USP13: variants seen among roughly 807,000 people sequenced by gnomAD.
USP13 encodes the protein ubiquitin carboxyl-terminal hydrolase 13.
A neutral mutation model predicts 107.8 loss-of-function variants in USP13; 68 were observed. That is an observed-to-expected ratio of 0.63 (90% confidence interval 0.52 to 0.77). The LOEUF is 0.77. USP13 is among the 30% of genes least tolerant of loss of function. The pLI is 0.00. For synonymous variants in USP13, 377 were observed against 389.5 expected (o/e 0.97, Z 0.38); for missense variants, 945 against 1,093.3 (o/e 0.86, Z 1.91).
chr3:179,681,761 C>T (rs969079242), intron 1 of USP13, 117 bp from the exon 2 acceptor site: 1 of 1,330,630 alleles, frequency 7.5e-7, no homozygotes, highest in Non-Finnish European at 1.0e-6. Context: ...GCAGGAGCCT[C>T]GGTGGCCCTT....
chr3:179,730,195 A>G lies in USP13; in HGVS notation c.1095A>G (p.Val365=), dbSNP rs1053291512. 4.3e-6 allele frequency: 7 copies of G among 1,613,192 alleles called. No individual in the cohort carries two copies. In the African/African-American group the frequency reaches 5.3e-5, roughly 12 times the overall value. The change falls in exon 9 of 21, where the codon GTA becomes GTG. Residue 365 remains valine, a synonymous_variant. Coordinates refer to ENST00000263966, the MANE Select transcript of USP13 (RefSeq NM_003940.3). ...ATTGCCTCTCATTTTCTAGGTATGT[A>G]GGAAACCTTCCCAGAATATTTGACT... The part of the protein sequence containing the change: ...FSIPEFQRAY[V]GNLPRIFDYS...
At chr3:179,654,933 C>CTTT (rs58952724) in intron 1 of USP13, among the ~76,000 whole-genome samples, 33 of 151,564 alleles carry the variant, frequency 2.2e-4, no homozygotes, top group African/African-American at 7.5e-4. Flanking sequence ...TGATTGTTTA[C>CTTT]TTTTTTTTTC....
chr3:179,689,428 G>A (rs1712022370), intron 2 of USP13, among the ~76,000 whole-genome samples: 1 of 152,044 alleles, frequency 6.6e-6, no homozygotes, highest in South Asian at 2.1e-4. Context: ...GGAGGCCGAG[G>A]TGGGCAGATC....
intron 2 of USP13, among the ~76,000 whole-genome samples, chr3:179,689,495 A>G (rs1296446665): frequency 6.6e-6 from 1 of 151,950 alleles, no homozygotes; most frequent in Non-Finnish European, 1.5e-5. Context: ...CGTCTCTACT[A>G]AAAATATTAA....
intron 8 of USP13, among the ~76,000 whole-genome samples, chr3:179,728,982 A>AAGAGTG (rs1553794973): frequency 6.7e-6 from 1 of 150,002 alleles, no homozygotes; most frequent in African/African-American, 2.5e-5. Context: ...GACGGAGAGG[A>AAGAGTG]AGAGGGAGAG....
At chr3:179,693,595 A>G (rs1712183411) in intron 3 of USP13, among the ~76,000 whole-genome samples, 1 of 152,118 alleles carries the variant, frequency 6.6e-6, no homozygotes, top group African/African-American at 2.4e-5. Flanking sequence ...CTATAAATTA[A>G]TTTCAGTGAT....
intron 1 of USP13, among the ~76,000 whole-genome samples, chr3:179,677,818 T>C (rs377090114): frequency 2.0e-5 from 3 of 152,272 alleles, no homozygotes; most frequent in East Asian, 3.9e-4. Context: ...CAGATTAATA[T>C]TTGTTACTCC....
At chr3:179,771,762 G>A (rs757640235) in intron 19 of USP13, among the ~76,000 whole-genome samples, 3 of 152,180 alleles carry the variant, frequency 2.0e-5, no homozygotes, top group African/African-American at 7.2e-5. Context: ...GATTAAAGAA[G>A]TACAGGTATC....
At chr3:179,760,445 G>A (rs1046745090) in intron 16 of USP13, among the ~76,000 whole-genome samples, 14 of 151,750 alleles carry the variant, frequency 9.2e-5, no homozygotes, top group Admixed American at 2.6e-4. Context: ...CACCACGCCC[G>A]GCTAATTTTT....
intron 13 of USP13, among the ~76,000 whole-genome samples, chr3:179,747,438 G>A (rs547056547): frequency 6.6e-6 from 1 of 152,168 alleles, no homozygotes; most frequent in African/African-American, 2.4e-5. Flanking sequence ...GTGAGCTGCC[G>A]ACTGGGGTAT....
intron 3 of USP13, among the ~76,000 whole-genome samples, chr3:179,693,765 C>T (rs1178805601): frequency 6.6e-6 from 1 of 152,104 alleles, no homozygotes; most frequent in African/African-American, 2.4e-5. Context: ...TATCCGCCCT[C>T]CGAGTTCAAG....
intron 6 of USP13, among the ~76,000 whole-genome samples, chr3:179,717,982 G>A (rs745926047): frequency 6.6e-6 from 1 of 152,110 alleles, no homozygotes; most frequent in South Asian, 2.1e-4. Context: ...GGGGAGCAGC[G>A]AGTCTCCATA....
chr3:179,710,222 G>A (rs1163380501), intron 6 of USP13, among the ~76,000 whole-genome samples: 3 of 152,210 alleles, frequency 2.0e-5, no homozygotes, highest in Admixed American at 1.3e-4. Flanking sequence ...TTCAAGACAA[G>A]CGTTTGGATT....
chr3:179,769,855 G>C (rs1358546709), intron 19 of USP13, among the ~76,000 whole-genome samples: 2 of 152,020 alleles, frequency 1.3e-5, no homozygotes, highest in Admixed American at 1.3e-4. Flanking sequence ...AAATAATATT[G>C]TGATAAACAG....
rs545884272 is a variant in USP13 at position 179,720,133 on chromosome 3, C to T, written c.900+99C>T. 2.2e-5 allele frequency: 17 copies of T among 766,086 alleles called. No homozygotes were observed. The East Asian group carries it at 2.9e-4, about 13-fold the overall frequency. 47.5% of individuals were successfully genotyped at this position (766,086 alleles called of 1,614,324 possible). A position where few individuals can be genotyped will look rare whatever the true frequency, so the allele number is the denominator to read the frequency against. Reference sequence around the variant, plus strand: ...TTTATTTAATATATAATTCCTCTAACGTGGATCTTCATTTTATAGGTTTTA... The same window carrying T: ...TTTATTTAATATATAATTCCTCTAATGTGGATCTTCATTTTATAGGTTTTA... On this transcript the variant is annotated intron_variant, in intron 7 of 20. Transcript: ENST00000263966.
intron 3 of USP13, among the ~76,000 whole-genome samples, chr3:179,691,225 C>T (rs1712108141): frequency 6.6e-6 from 1 of 150,684 alleles, no homozygotes; most frequent in South Asian, 2.1e-4. Flanking sequence ...ATTAGCCAAA[C>T]TACAGACTTC....
chr3:179,661,356 C>T (rs1436824743), intron 1 of USP13, among the ~76,000 whole-genome samples: 1 of 152,140 alleles, frequency 6.6e-6, no homozygotes, highest in Non-Finnish European at 1.5e-5. Flanking sequence ...TCATATGTTG[C>T]ATGCACATTC....
intron 19 of USP13, among the ~76,000 whole-genome samples, chr3:179,777,061 T>C (rs1428492962): frequency 1.3e-5 from 2 of 152,162 alleles, no homozygotes; most frequent in African/African-American, 4.8e-5. Flanking sequence ...AGGTCGTGAA[T>C]AATGCATGGA....
chr3:179,767,885 G>A (rs1401629725), intron 19 of USP13, among the ~76,000 whole-genome samples: 1 of 152,262 alleles, frequency 6.6e-6, no homozygotes, highest in East Asian at 1.9e-4. Context: ...GATAGAAAGA[G>A]ACGGTGGGAG....
Sources: allele counts gnomAD v4.1 joint callset (sites outside exome capture counted in the v4.1 genomes callset), GRCh38; gene constraint gnomAD v4.1.1; transcripts MANE v1.5; gene names NCBI Gene and HGNC (gene_info 2026-07-23, HGNC 2026-07-21).